RELN: variants seen among roughly 807,000 people sequenced by gnomAD.
RELN encodes reelin.
Under a neutral mutation model 427.6 loss-of-function variants are expected in RELN, and 108 were observed. The observed-to-expected ratio is 0.25, with a 90% CI of 0.22 to 0.30. The LOEUF is 0.30. RELN is among the 10% of genes least tolerant of loss of function. RELN has a pLI of 1.00. For missense variants in RELN, 3,715 were observed against 4,302.8 expected (o/e 0.86, Z 3.82); for synonymous variants, 1,524 against 1,513.4 (o/e 1.01, Z -0.16).
At chr7:103,830,753 C>G (rs556763861) in intron 3 of RELN, among the ~76,000 whole-genome samples, 1 of 152,068 alleles carries the variant, frequency 6.6e-6, no homozygotes, top group African/African-American at 2.4e-5. Flanking sequence ...CCTGTACTCT[C>G]TCACAAACTG....
At chr7:103,961,572 G>A (rs763554049) in intron 1 of RELN, among the ~76,000 whole-genome samples, 5 of 152,144 alleles carry the variant, frequency 3.3e-5, no homozygotes, top group African/African-American at 7.2e-5. Context: ...CAAACATAAC[G>A]TCCTGCTACT....
chr7:103,637,598 C>A (rs562497593), intron 17 of RELN, among the ~76,000 whole-genome samples: 2 of 152,246 alleles, frequency 1.3e-5, no homozygotes, highest in East Asian at 1.9e-4. Flanking sequence ...ATGCTAAGAA[C>A]TACTGTAGCA....
intron 1 of RELN, among the ~76,000 whole-genome samples, chr7:103,924,628 G>C (rs2116691135): frequency 6.6e-6 from 1 of 152,084 alleles, no homozygotes; most frequent in East Asian, 1.9e-4. Flanking sequence ...GCTAGAGGAG[G>C]GGTACAGCAT....
At chr7:103,614,901 G>A (rs768872725) in intron 20 of RELN, among the ~76,000 whole-genome samples, 125 of 152,256 alleles carry the variant, frequency 8.2e-4, no homozygotes, top group Admixed American at 3.9e-3. Flanking sequence ...ATTCAAGACT[G>A]GCAGTGATAC....
At chr7:103,821,267 G>A (rs753373258) in intron 3 of RELN, among the ~76,000 whole-genome samples, 11 of 152,046 alleles carry the variant, frequency 7.2e-5, no homozygotes, top group Non-Finnish European at 1.5e-4. Context: ...CCTCTCCTTC[G>A]GCAGGAAGCC....
intron 7 of RELN, among the ~76,000 whole-genome samples, chr7:103,723,566 G>A (rs1368919086): frequency 1.3e-5 from 2 of 152,156 alleles, no homozygotes; most frequent in Admixed American, 1.3e-4. Context: ...GGGACCCAAA[G>A]AGAATGTAGC....
chr7:103,641,309 G>A (rs983025871), intron 16 of RELN, among the ~76,000 whole-genome samples: 1 of 152,142 alleles, frequency 6.6e-6, no homozygotes, highest in Non-Finnish European at 1.5e-5. Flanking sequence ...TTTATAATCT[G>A]TTGTCATTTT....
At position 103,569,891 on chromosome 7, in the gene RELN, C is replaced by T. The variant is rs1185395149; in HGVS notation, c.4588+2293G>A. On this transcript the variant is annotated intron_variant, in intron 31 of 64. Coordinates refer to ENST00000428762, the MANE Select transcript of RELN (RefSeq NM_005045.4). This position sits in a 1 kb window ranked among gnomAD's most constrained non-coding sequence, Gnocchi z 4.0. ...CATGTGAAACATTTCTCTTTTTAAA[C>T]AGCAGCTCCATCTGCGTTATGCCCA... Among the ~76,000 whole-genome samples the T allele has an allele frequency of 6.6e-6, 1 of 152,206 alleles. No homozygotes were observed. The highest frequency in any genetic ancestry group is 2.4e-5 in the African/African-American group (1 of 41,446).
intron 57 of RELN, among the ~76,000 whole-genome samples, chr7:103,494,600 G>A (rs1193814944): frequency 6.8e-6 from 1 of 147,144 alleles, no homozygotes; most frequent in Non-Finnish European, 1.5e-5. Context: ...TCCCAGGATG[G>A]TCTTGAACTC....
At chr7:103,745,900 G>T (rs1444898010) in intron 6 of RELN, among the ~76,000 whole-genome samples, 1 of 152,144 alleles carries the variant, frequency 6.6e-6, no homozygotes, top group Non-Finnish European at 1.5e-5. Flanking sequence ...TTTCTTCACA[G>T]AACTGGAAAA....
At chr7:103,576,607 A>G (rs1332927197) in intron 28 of RELN, among the ~76,000 whole-genome samples, 1 of 152,216 alleles carries the variant, frequency 6.6e-6, no homozygotes, top group African/African-American at 2.4e-5. Context: ...GTTTGAAACA[A>G]TCTGTCTTTC....
At chr7:103,811,104 AAT>A (rs1189270021) in intron 3 of RELN, among the ~76,000 whole-genome samples, 3 of 152,254 alleles carry the variant, frequency 2.0e-5, no homozygotes, top group Non-Finnish European at 4.4e-5. Flanking sequence ...TATTTTTAAA[AAT>A]AGTTATTATT....
At position 103,723,167 on chromosome 7, in the gene RELN, T is replaced by C; in HGVS notation, c.778A>G (p.Thr260Ala). ...ELITTGLNTT[T>A]ASVLQFSIGS... ...ATGGAAAATTGGAGGACAGAAGCTG[T>C]TGTTGTATTAAGGCCTGTGGTAATC... The change falls in exon 8 of 65, where the codon ACA (threonine) becomes GCA (alanine). Residue 260 changes from threonine to alanine, a missense_variant. By Grantham distance (58) the Thr-to-Ala change is moderately conservative (BLOSUM62 0). Transcript: ENST00000428762. 2 of 1,596,762 alleles carry C rather than the reference T, an allele frequency of 1.3e-6. No individual in the cohort carries two copies. Among genetic ancestry groups the C allele is most frequent in the South Asian group, 2.2e-5 (2 of 90,696 alleles).
intron 41 of RELN, among the ~76,000 whole-genome samples, chr7:103,547,310 T>C (rs1386465438): frequency 6.6e-6 from 1 of 152,204 alleles, no homozygotes. Flanking sequence ...TTAACCCTAA[T>C]TTCATTGTTC....
intron 1 of RELN, among the ~76,000 whole-genome samples, chr7:103,951,133 G>T (rs1796322788): frequency 6.6e-6 from 1 of 152,150 alleles, no homozygotes; most frequent in Non-Finnish European, 1.5e-5. Context: ...GTTTCACCAT[G>T]TTTTTTAAAT....
chr7:103,720,829 C>T (rs1034021756), intron 8 of RELN, among the ~76,000 whole-genome samples: 26 of 152,096 alleles, frequency 1.7e-4, no homozygotes, highest in African/African-American at 6.0e-4. Context: ...ATGTCACACC[C>T]TTATACCTCG....
rs560704715 is a variant in RELN, at chr7:103,652,759, C to A, written c.1555G>T (p.Val519Phe). The change falls in exon 14 of 65, where the codon GTT becomes TTT. Residue 519 changes from valine to phenylalanine, a missense_variant and splice_region_variant. Around this residue, in one of 4 missense-constraint regions of RELN, gnomAD observed 2,208 missense variants for 2,361.7 expected, o/e 0.93. Coordinates refer to ENST00000428762, the MANE Select transcript of RELN (RefSeq NM_005045.4). Reference sequence around the variant, plus strand: ...ATGACCACAGAAACCAAAGACGGAACCTTTCAAACAAAGGAGACCAGAATC... The same window carrying A: ...ATGACCACAGAAACCAAAGACGGAAACTTTCAAACAAAGGAGACCAGAATC... ...LDTLSYSSYK[V>F]PSLVSVVINP... 773 of 1,612,426 alleles carry A rather than the reference C, an allele frequency of 4.8e-4. 6 individuals are homozygous for A. The South Asian group carries it at 7.3e-3, about 15-fold the overall frequency.
In RELN at chr7:103,920,566, G is replaced by GTTTTTTTTTTTTT. The variant is rs1563092030; in HGVS notation, c.227-3382_227-3381insAAAAAAAAAAAAA. ...ACACATGTTTGTTGTACCAGTCTTT[G>GTTTTTTTTTTTTT]GTTTTTTTTTTTGTTTTTTTTTTTT... On this transcript the variant is annotated intron_variant, in intron 1 of 64. Transcript: ENST00000428762. Among the ~76,000 whole-genome samples the GTTTTTTTTTTTTT allele has an allele frequency of 3.5e-5, 4 of 114,688 alleles. 1 individual carries two copies. The highest frequency in any genetic ancestry group is 1.9e-4 in the African/African-American group (4 of 21,530). The allele number at this position is 114,688 out of a possible 152,430, so 75.2% of individuals were successfully genotyped here. A position where few individuals can be genotyped will look rare whatever the true frequency, so the allele number is the denominator to read the frequency against.
chr7:103,799,535 A>G (rs565901737), intron 3 of RELN, among the ~76,000 whole-genome samples: 12 of 152,264 alleles, frequency 7.9e-5, no homozygotes, highest in African/African-American at 2.9e-4. Flanking sequence ...ATGCTGTCCA[A>G]TTATGTCTGG....
Sources: allele counts gnomAD v4.1 joint callset (sites outside exome capture counted in the v4.1 genomes callset), GRCh38; gene constraint gnomAD v4.1.1; regional missense constraint gnomAD v4.1.1; non-coding constraint Gnocchi (gnomAD v3.1); transcripts MANE v1.5; gene names NCBI Gene and HGNC (gene_info 2026-07-23, HGNC 2026-07-21).